Variants in ZCWPW2 observed in about 807,000 individuals in gnomAD.
The protein encoded by ZCWPW2 is zinc finger CW-type PWWP domain protein 2.
ZCWPW2 carries 45 observed loss-of-function variants against 46.6 expected under a neutral mutation model. The observed-to-expected ratio is 0.96, with a 90% CI of 0.76 to 1.24. The LOEUF is 1.24. Among genes scored for constraint, ZCWPW2 ranks in the 50% most tolerant of loss-of-function variants. The pLI is 0.00. For synonymous variants in ZCWPW2, 152 were observed against 137.1 expected (o/e 1.11, Z -0.76); for missense variants, 429 against 403.9 (o/e 1.06, Z -0.53).
chr3:28,412,987 T>G, intron 2 of ZCWPW2, 69 bp from the exon 3 acceptor site: 1 of 1,260,428 alleles, frequency 7.9e-7, no homozygotes, highest in Non-Finnish European at 1.1e-6. Flanking sequence ...CTCTGATTTT[T>G]GGTTTGAATT....
intron 5 of ZCWPW2, among the ~76,000 whole-genome samples, chr3:28,485,352 C>T (rs1699563187): frequency 6.6e-6 from 1 of 151,956 alleles, no homozygotes; most frequent in Non-Finnish European, 1.5e-5. Flanking sequence ...TTCATGTGGG[C>T]ATAAGAAGGA....
chr3:28,399,629 T>G (rs2125726418), intron 2 of ZCWPW2, among the ~76,000 whole-genome samples: 1 of 152,280 alleles, frequency 6.6e-6, no homozygotes, highest in Admixed American at 6.5e-5. Flanking sequence ...CAACCCCCAG[T>G]ATCAGCCTGG....
At chr3:28,355,347 AGAG>A (rs1559470647) in intron 1 of ZCWPW2, among the ~76,000 whole-genome samples, 1 of 152,252 alleles carries the variant, frequency 6.6e-6, no homozygotes, top group Admixed American at 6.5e-5. Flanking sequence ...ACAAAATAAA[AGAG>A]GACGCAAATA....
In ZCWPW2 at chr3:28,356,572, C is replaced by A. The variant is rs915840853; in HGVS notation, c.-134+7369C>A. On this transcript the variant is annotated intron_variant, in intron 1 of 9. Coordinates refer to ENST00000383768, the MANE Select transcript of ZCWPW2 (RefSeq NM_001040432.4). ...ATGCACACATATGTTTGTTGCGGCACTATTCACGATAGCAAAGACTTGGAA... is the reference window on the plus strand; with the variant it reads ...ATGCACACATATGTTTGTTGCGGCAATATTCACGATAGCAAAGACTTGGAA... Among the ~76,000 whole-genome samples, 37 of 152,168 alleles carry A rather than the reference C, an allele frequency of 2.4e-4. 1 individual carries two copies. The highest frequency in any genetic ancestry group is 8.9e-4 in the African/African-American group (37 of 41,420).
At chr3:28,354,467 A>C (rs1307751240) in intron 1 of ZCWPW2, among the ~76,000 whole-genome samples, 2 of 140,892 alleles carry the variant, frequency 1.4e-5, no homozygotes, top group Non-Finnish European at 1.6e-5. Flanking sequence ...TATTCCAATC[A>C]ATAGAAAAAG....
At chr3:28,428,606 A>G (rs975721954) in intron 3 of ZCWPW2, among the ~76,000 whole-genome samples, 1 of 152,154 alleles carries the variant, frequency 6.6e-6, no homozygotes, top group African/African-American at 2.4e-5. Context: ...ATGATCAGTA[A>G]TGACACAATT....
rs920407616 is a variant in ZCWPW2, at chr3:28,525,991, C to T, written c.*1303C>T. 5.3e-5 allele frequency among the ~76,000 whole-genome samples: 8 copies of T among 152,196 alleles called. No homozygotes were observed. The highest frequency in any genetic ancestry group is 1.9e-4 in the African/African-American group (8 of 41,548). On this transcript the variant is annotated 3_prime_UTR_variant, in exon 10 of 10. Transcript: ENST00000383768. ...AGTTGAGTACATCTCTGTCAGGTTC[C>T]AGATCCCATGCCATTGATTATCATC...
rs182306880 is a variant in ZCWPW2 at position 28,439,061 on chromosome 3, A to G, written c.492+3792A>G. Among the ~76,000 whole-genome samples the G allele has an allele frequency of 4.3e-3, 630 of 148,058 alleles. 2 individuals are homozygous for G. The highest frequency in any genetic ancestry group is 6.5e-3 in the Non-Finnish European group (437 of 67,272). On this transcript the variant is annotated intron_variant, in intron 4 of 9. Coordinates refer to ENST00000383768, the MANE Select transcript of ZCWPW2 (RefSeq NM_001040432.4). Reference sequence around the variant, plus strand: ...GTATATATCTATGGTGTGTGTGTGTATATATATGTGTATACACATATATAT... The same window carrying G: ...GTATATATCTATGGTGTGTGTGTGTGTATATATGTGTATACACATATATAT...
At chr3:28,390,719 A>AAATTCACC in intron 2 of ZCWPW2, 102 bp downstream of exon 2, 1 of 868,108 alleles carries the variant, frequency 1.2e-6, no homozygotes. Context: ...AAATGTAAAA[A>AAATTCACC]AATTCACCTG....
chr3:28,402,924 A>G (rs1696008531), intron 2 of ZCWPW2, among the ~76,000 whole-genome samples: 1 of 152,298 alleles, frequency 6.6e-6, no homozygotes, highest in South Asian at 2.1e-4. Flanking sequence ...ATCTATGACA[A>G]ACTCACAGTC....
At chr3:28,500,423 A>G (rs747738843) in intron 6 of ZCWPW2, among the ~76,000 whole-genome samples, 1 of 152,108 alleles carries the variant, frequency 6.6e-6, no homozygotes, top group African/African-American at 2.4e-5. Flanking sequence ...ATTATTACCA[A>G]CTGGAAAAGG....
intron 4 of ZCWPW2, among the ~76,000 whole-genome samples, chr3:28,451,951 G>A (rs924461983): frequency 1.3e-5 from 2 of 152,132 alleles, no homozygotes; most frequent in Non-Finnish European, 2.9e-5. Context: ...CCCATAGTTG[G>A]CATAAAATTT....
At chr3:28,372,913 G>A (rs1705380239) in intron 1 of ZCWPW2, among the ~76,000 whole-genome samples, 1 of 152,112 alleles carries the variant, frequency 6.6e-6, no homozygotes. Flanking sequence ...TTAGGATAAT[G>A]GCCTCCAGTT....
intron 2 of ZCWPW2, among the ~76,000 whole-genome samples, chr3:28,396,571 A>T (rs1471432712): frequency 6.6e-6 from 1 of 152,174 alleles, no homozygotes; most frequent in Non-Finnish European, 1.5e-5. Flanking sequence ...ATAATATCAA[A>T]ATTCTCCAAC....
rs1232481724 is a variant in ZCWPW2, at chr3:28,348,948, G to A, written c.-389G>A. Reference sequence around the variant, plus strand: ...GGCCGGAGGGAGGGGAAGCACTCCGGAAAGTGATTGGAAGTGTGGATGAGC... The same window carrying A: ...GGCCGGAGGGAGGGGAAGCACTCCGAAAAGTGATTGGAAGTGTGGATGAGC... On this transcript the variant is annotated 5_prime_UTR_variant, in exon 1 of 10. Transcript: ENST00000383768. The A allele has an allele frequency of 8.1e-6, 8 of 985,586 alleles. No individual in the cohort carries two copies. The highest frequency in any genetic ancestry group is 9.6e-6 in the Non-Finnish European group (8 of 830,052). The allele number at this position is 985,586 out of a possible 1,614,324, so 61.1% of individuals were successfully genotyped here.
At chr3:28,452,388 G>GATTCTCCTGCC (rs1559510140) in intron 4 of ZCWPW2, among the ~76,000 whole-genome samples, 1 of 152,128 alleles carries the variant, frequency 6.6e-6, no homozygotes, top group African/African-American at 2.4e-5. Context: ...CAGTTCAAGC[G>GATTCTCCTGCC]ATTCTCCTGC....
At chr3:28,521,779 G>A (rs1042058796) in intron 9 of ZCWPW2, among the ~76,000 whole-genome samples, 10 of 152,078 alleles carry the variant, frequency 6.6e-5, no homozygotes, top group Non-Finnish European at 1.2e-4. Flanking sequence ...ACACTTTCAC[G>A]TGGCAATGCA....
intron 4 of ZCWPW2, among the ~76,000 whole-genome samples, chr3:28,446,549 TACAA>T (rs1275612079): frequency 1.3e-5 from 2 of 151,860 alleles, no homozygotes; most frequent in African/African-American, 4.8e-5. Context: ...AATTTATACC[TACAA>T]ACACTTATTA....
chr3:28,453,704 T>C (rs1017526796), intron 4 of ZCWPW2, among the ~76,000 whole-genome samples: 2 of 151,978 alleles, frequency 1.3e-5, no homozygotes, highest in Non-Finnish European at 1.5e-5. Flanking sequence ...AATTAGTAAA[T>C]AGCTGGAGAG....
Sources: gnomAD v4.1 joint callset for allele counts (sites outside exome capture counted in the v4.1 genomes callset) on GRCh38, gnomAD v4.1.1 for gene constraint, MANE v1.5 for transcripts, NCBI Gene and HGNC (gene_info 2026-07-23, HGNC 2026-07-21) for gene names.